The following SYNPO2 variants were observed in gnomAD, a reference collection of about 807,000 sequenced individuals.
The protein encoded by SYNPO2 is synaptopodin 2, also known as synaptopodin-2.
SYNPO2 carries 56 observed loss-of-function variants against 85.0 expected under a neutral mutation model. The ratio of observed to expected loss-of-function variants is 0.66; its 90% CI spans 0.53 to 0.82. SYNPO2 has a LOEUF of 0.82. Among genes scored for constraint, SYNPO2 ranks in the 40% least tolerant of loss-of-function variants. The pLI is 0.00. For synonymous variants in SYNPO2, 602 were observed against 591.1 expected, an observed-to-expected ratio of 1.02 and a Z score of -0.27; for missense variants, 1,575 against 1,534.2, an observed-to-expected ratio of 1.03 and a Z score of -0.44.
chr4:119,011,221 G>A (rs1737287535), intron 1 of SYNPO2, among the ~76,000 whole-genome samples: 1 of 152,200 alleles, frequency 6.6e-6, no homozygotes, highest in Non-Finnish European at 1.5e-5. Context: ...GTGCACAGGA[G>A]GTCCAGCAGA....
At chr4:118,887,309 G>C (rs1197434233), upstream of SYNPO2, among the ~76,000 whole-genome samples, 3 of 151,994 alleles carry the variant, frequency 2.0e-5, no homozygotes, top group East Asian at 5.8e-4. Flanking sequence ...GGGAATAAGT[G>C]GGTTGGAGGA....
chr4:118,998,483 A>G (rs944285167), intron 1 of SYNPO2, among the ~76,000 whole-genome samples: 1 of 152,252 alleles, frequency 6.6e-6, no homozygotes, highest in Non-Finnish European at 1.5e-5. Context: ...TAGGAGCCAG[A>G]GAATTTCAGT....
intron 1 of SYNPO2, among the ~76,000 whole-genome samples, chr4:118,974,551 A>G (rs928987068): frequency 5.9e-5 from 9 of 152,260 alleles, no homozygotes; most frequent in African/African-American, 2.2e-4. Flanking sequence ...TTCTAGTCTT[A>G]ATTCAACAAT....
chr4:118,917,226 T>C (rs897748338), intron 1 of SYNPO2, among the ~76,000 whole-genome samples: 3 of 152,022 alleles, frequency 2.0e-5, no homozygotes, highest in African/African-American at 7.3e-5. Context: ...ACCCCGTCTC[T>C]ACTAAAAATA....
At position 119,051,442 on chromosome 4, in the gene SYNPO2, C is replaced by T. The variant is rs187537529; in HGVS notation, c.3253-5959C>T. Among the ~76,000 whole-genome samples, 35 of 151,848 alleles carry T rather than the reference C, an allele frequency of 2.3e-4. No homozygotes were observed. The East Asian group carries it at 5.1e-3, about 22-fold the overall frequency. On this transcript the variant is annotated intron_variant, in intron 4 of 4. Coordinates refer to ENST00000307142, the MANE Select transcript of SYNPO2 (RefSeq NM_133477.3). ...TCCTGACCTCGTGATCCGCCCGCCT[C>T]GGCCTCCCAAAGTGCTGGGATTACA...
At chr4:118,992,440 G>A (rs1035929040) in intron 1 of SYNPO2, among the ~76,000 whole-genome samples, 2 of 152,226 alleles carry the variant, frequency 1.3e-5, no homozygotes, top group African/African-American at 2.4e-5. Context: ...TTCCAATTTC[G>A]GAAGCACACA....
intron 1 of SYNPO2, among the ~76,000 whole-genome samples, chr4:119,007,632 CAGCGGCACCAGAGTCA>C (rs976012109): frequency 2.0e-5 from 3 of 152,100 alleles, no homozygotes; most frequent in Non-Finnish European, 2.9e-5. Context: ...TTGCACTCAT[CAGCGGCACCAGAGTCA>C]AGCCACCTTG....
intron 1 of SYNPO2, among the ~76,000 whole-genome samples, chr4:118,977,218 G>T (rs553311734): frequency 3.9e-5 from 6 of 152,168 alleles, no homozygotes; most frequent in East Asian, 1.9e-4. Context: ...TAAGGCCCGG[G>T]GAGAAATCGA....
chr4:119,018,065 T>G (rs1420064162), intron 1 of SYNPO2, among the ~76,000 whole-genome samples: 1 of 152,198 alleles, frequency 6.6e-6, no homozygotes, highest in East Asian at 1.9e-4. Flanking sequence ...ATTTAGTCTA[T>G]GAAATGTAAA....
chr4:119,031,913 A>T lies in SYNPO2; in HGVS notation c.3138A>T (p.Ala1046=). 6.2e-7 allele frequency: 1 copy of T among 1,614,220 alleles called. No homozygotes were observed. Among genetic ancestry groups the T allele is most frequent in the African/African-American group, 1.3e-5 (1 of 75,062 alleles). ...CAGAGGCCTCCTCACCAGTCAGTGC[A>T]TCCCCAGTGCCTGTGGGCATTCCCA... ...FFAEASSPVS[A]SPVPVGIPTS... is the part of the protein sequence containing the mutation. The change falls in exon 4 of 5, where the codon GCA becomes GCT. Residue 1046 remains alanine (A), a synonymous_variant. Coordinates refer to ENST00000307142, the MANE Select transcript of SYNPO2 (RefSeq NM_133477.3).
At chr4:119,010,577 C>A (rs558146162) in intron 1 of SYNPO2, among the ~76,000 whole-genome samples, 12 of 152,298 alleles carry the variant, frequency 7.9e-5, no homozygotes, top group Non-Finnish European at 1.6e-4. Flanking sequence ...AGAGCCAAAC[C>A]ATGTCAAGGA....
At chr4:118,887,022 C>G (rs1224949167), upstream of SYNPO2, among the ~76,000 whole-genome samples, 1 of 152,140 alleles carries the variant, frequency 6.6e-6, no homozygotes, top group Non-Finnish European at 1.5e-5. Context: ...AAATGTATTT[C>G]CAGCTGGGGC....
chr4:118,856,156 A>T (rs897787705), intron 1 of SYNPO2, among the ~76,000 whole-genome samples: 49 of 152,174 alleles, frequency 3.2e-4, no homozygotes, highest in African/African-American at 1.2e-3. Context: ...AGCCATATAT[A>T]TTTTTTCAGC....
chr4:119,038,269 G>A (rs1738594722), intron 4 of SYNPO2: 1 of 984,944 alleles, frequency 1.0e-6, no homozygotes, highest in South Asian at 4.7e-5. Context: ...AATGACATTA[G>A]GAAAGACTCC....
At chr4:118,946,465 C>A (rs1292290307) in intron 1 of SYNPO2, among the ~76,000 whole-genome samples, 1 of 124,996 alleles carries the variant, frequency 8.0e-6, no homozygotes, top group East Asian at 2.7e-4. Flanking sequence ...TTTCTGTAAC[C>A]CAGTTTTAGA....
chr4:118,951,304 G>A (rs1289937602), intron 1 of SYNPO2, among the ~76,000 whole-genome samples: 1 of 152,144 alleles, frequency 6.6e-6, no homozygotes. Flanking sequence ...TCCTCTGGAG[G>A]GGGAGAATGC....
intron 1 of SYNPO2, among the ~76,000 whole-genome samples, chr4:118,935,537 G>T (rs1289149308): frequency 6.6e-6 from 1 of 152,234 alleles, no homozygotes; most frequent in Non-Finnish European, 1.5e-5. Flanking sequence ...GGTCATAGAA[G>T]ATTATAATAC....
At chr4:119,001,324 A>G (rs1301821505) in intron 1 of SYNPO2, among the ~76,000 whole-genome samples, 2 of 152,246 alleles carry the variant, frequency 1.3e-5, no homozygotes, top group Non-Finnish European at 2.9e-5. Context: ...AGATACATTT[A>G]TATATATTTA....
rs191894790 is a variant in SYNPO2, at chr4:118,952,996, C to T, written c.105+63855C>T. On this transcript the variant is annotated intron_variant, in intron 1 of 4. Coordinates refer to ENST00000307142, the MANE Select transcript of SYNPO2 (RefSeq NM_133477.3). The stretch of plus-strand genomic sequence containing the variant: ...ATTCTAACCCTGAATCCTGCAAATT[C>T]TTTCCTTTAAATATGTCTTTCTGCC... Among the ~76,000 whole-genome samples the T allele has an allele frequency of 2.6e-5, 4 of 152,198 alleles. No individual in the cohort carries two copies. The East Asian group carries it at 7.7e-4, about 29-fold the overall frequency.
Sources: allele counts gnomAD v4.1 joint callset (sites outside exome capture counted in the v4.1 genomes callset), GRCh38; gene constraint gnomAD v4.1.1; transcripts MANE v1.5; gene names NCBI Gene and HGNC (gene_info 2026-07-23, HGNC 2026-07-21).